The following DNAJB14 variants were observed in gnomAD, a reference collection of about 807,000 sequenced individuals.
DNAJB14 encodes the protein DnaJ heat shock protein family (Hsp40) member B14.
In DNAJB14, 22 loss-of-function variants were observed where a neutral mutation model predicts 48.4. The observed-to-expected ratio is 0.45, with a 90% CI of 0.32 to 0.65. DNAJB14 has a LOEUF of 0.65. Among genes scored for constraint, DNAJB14 ranks in the 30% least tolerant of loss-of-function variants. The pLI is 0.03. For missense variants in DNAJB14, 319 were observed against 458.8 expected (o/e 0.70, Z 2.78); for synonymous variants, 142 against 158.7 (o/e 0.89, Z 0.79).
intron 3 of DNAJB14, among the ~76,000 whole-genome samples, chr4:99,911,663 T>C (rs1462663858): frequency 6.6e-6 from 1 of 152,236 alleles, no homozygotes; most frequent in African/African-American, 2.4e-5. Context: ...AATCTTTCAC[T>C]GTGCTTATTT....
chr4:99,939,140 T>C (rs1360016952), intron 1 of DNAJB14, among the ~76,000 whole-genome samples: 1 of 152,220 alleles, frequency 6.6e-6, no homozygotes, highest in Non-Finnish European at 1.5e-5. Context: ...GGTGGGTAGA[T>C]CACCTAAGGT....
In DNAJB14 at chr4:99,930,457, C is replaced by T. The variant is rs1373243869; in HGVS notation, c.298G>A (p.Val100Ile). Residue 100 changes from valine to isoleucine, a missense_variant, in exon 2 of 8, where the codon GTT becomes ATT. Val to Ile is a conservative substitution (Grantham distance 29, BLOSUM62 3). Coordinates refer to ENST00000442697, the MANE Select transcript of DNAJB14 (RefSeq NM_001031723.4). The part of the protein sequence containing the change: ...KGYTKDQVDG[V>I]LSINKCKNYY... The stretch of plus-strand genomic sequence containing the variant: ...AACCATATTTATTCCTACCTGAGAA[C>T]TCCATCTACTTGGTCTTTGGTATAG... 1 of 1,591,820 alleles carries T rather than the reference C, an allele frequency of 6.3e-7. No homozygotes were observed. Among genetic ancestry groups the T allele is most frequent in the Non-Finnish European group, 8.5e-7 (1 of 1,169,876 alleles).
At chr4:99,905,754 G>A (rs1725441577) in intron 5 of DNAJB14, 48 bp from the exon 6 acceptor site, 1 of 1,549,032 alleles carries the variant, frequency 6.5e-7, no homozygotes, top group Non-Finnish European at 8.9e-7. Flanking sequence ...AACTGTAGTT[G>A]TTAATAATAC....
At chr4:99,908,633 A>G in intron 4 of DNAJB14, 78 bp downstream of exon 4, 2 of 1,082,098 alleles carry the variant, frequency 1.8e-6, no homozygotes, top group Middle Eastern at 2.3e-4. Context: ...AAAGGTAGAT[A>G]CATCTCTAAA....
At chr4:99,946,373 G>A (rs1727076393) in intron 1 of DNAJB14, 66 bp downstream of exon 1, 4 of 1,551,610 alleles carry the variant, frequency 2.6e-6, no homozygotes, top group Non-Finnish European at 3.5e-6. Context: ...GCCGAGGTGG[G>A]GGCAGGGGCG....
At position 99,917,109 on chromosome 4, in the gene DNAJB14, T is replaced by A. The variant is rs181374656; in HGVS notation, c.451+5931A>T. On this transcript the variant is annotated intron_variant, in intron 3 of 7. Transcript: ENST00000442697. Reference sequence around the variant, plus strand: ...GAGATTGCACCACTGCACTCCAGCCTGGGTGACAGAGACTACGTCTCAAAC... The same window carrying A: ...GAGATTGCACCACTGCACTCCAGCCAGGGTGACAGAGACTACGTCTCAAAC... Among the ~76,000 whole-genome samples, 911 of 152,348 alleles carry A rather than the reference T, an allele frequency of 6.0e-3. 5 individuals carry two copies. Among genetic ancestry groups the A allele is most frequent in the Non-Finnish European group, 0.01 (701 of 68,030 alleles).
At chr4:99,925,139 T>C in intron 2 of DNAJB14, 1 of 302,486 alleles carries the variant, frequency 3.3e-6, no homozygotes, top group Non-Finnish European at 6.2e-6. Context: ...AATGGTACAG[T>C]ATTTACATAC....
intron 1 of DNAJB14, among the ~76,000 whole-genome samples, chr4:99,941,902 T>G (rs1317725502): frequency 6.6e-6 from 1 of 152,126 alleles, no homozygotes. Flanking sequence ...CTTCAGTTGG[T>G]GCTATAGAAA....
At position 99,913,192 on chromosome 4, in the gene DNAJB14, C is replaced by T. The variant is rs546168012; in HGVS notation, c.452-4296G>A. Among the ~76,000 whole-genome samples the T allele has an allele frequency of 1.9e-3, 285 of 152,194 alleles. 1 individual carries two copies. The highest frequency in any genetic ancestry group is 6.4e-3 in the African/African-American group (267 of 41,534). ...TTTTATTTCCTTTTTCTCTCTTTAA[C>T]GCAGTGATTACTACTTCCTGCACTT... On this transcript the variant is annotated intron_variant, in intron 3 of 7. Transcript: ENST00000442697.
intron 3 of DNAJB14, among the ~76,000 whole-genome samples, chr4:99,918,023 G>A (rs1725917259): frequency 6.6e-6 from 1 of 152,014 alleles, no homozygotes. Context: ...TGCCAAATTT[G>A]GGAAGTTTTC....
intron 7 of DNAJB14, among the ~76,000 whole-genome samples, chr4:99,901,770 G>A (rs1055708338): frequency 2.0e-5 from 3 of 151,978 alleles, no homozygotes; most frequent in African/African-American, 7.2e-5. Flanking sequence ...AATTCTTCAA[G>A]GAGTATTTCT....
chr4:99,944,935 A>G (rs1229388978), intron 1 of DNAJB14, among the ~76,000 whole-genome samples: 1 of 152,208 alleles, frequency 6.6e-6, no homozygotes, highest in Non-Finnish European at 1.5e-5. Context: ...AAACTTGGGA[A>G]CATTATGCTA....
chr4:99,903,379 T>TC (rs1717916762), intron 7 of DNAJB14, among the ~76,000 whole-genome samples: 1 of 152,056 alleles, frequency 6.6e-6, no homozygotes. Context: ...GTATGCATCT[T>TC]AAAATTGATG....
intron 3 of DNAJB14, among the ~76,000 whole-genome samples, chr4:99,922,113 C>A (rs576154972): frequency 6.6e-6 from 1 of 152,172 alleles, no homozygotes; most frequent in Non-Finnish European, 1.5e-5. Flanking sequence ...TTCACCAGCA[C>A]CACTTTGGCA....
Position 99,899,465 on chromosome 4 carries a change from T to C in DNAJB14, c.*1563A>G, listed in dbSNP as rs1408927131. On this transcript the variant is annotated 3_prime_UTR_variant, in exon 8 of 8. Transcript: ENST00000442697. ...AAGCTCTCCAGTTTTCCTATGACAGTATGTTGTTTAGTTTAACCTACTAAT... is the reference window on the plus strand; with the variant it reads ...AAGCTCTCCAGTTTTCCTATGACAGCATGTTGTTTAGTTTAACCTACTAAT... 6.6e-6 allele frequency: 1 copy of C among 152,034 alleles called. No individual in the cohort carries two copies. The highest frequency in any genetic ancestry group is 1.5e-5 in the Non-Finnish European group (1 of 67,698). The allele number at this position is 152,034 out of a possible 1,614,324, so 9.4% of individuals were successfully genotyped here.
intron 2 of DNAJB14, chr4:99,925,819 C>G (rs1201511555): frequency 6.6e-6 from 1 of 152,044 alleles, no homozygotes; most frequent in Non-Finnish European, 1.5e-5. Flanking sequence ...GAAGGGCAGG[C>G]CTTCTATTTC....
chr4:99,938,327 G>A (rs1050057455), intron 1 of DNAJB14, among the ~76,000 whole-genome samples: 1 of 145,022 alleles, frequency 6.9e-6, no homozygotes, highest in Non-Finnish European at 1.5e-5. Context: ...ACATAAATGC[G>A]ACATGTGGAC....
chr4:99,923,006 G>A (rs2110208567), intron 3 of DNAJB14, 34 bp downstream of exon 3: 1 of 1,569,734 alleles, frequency 6.4e-7, no homozygotes, highest in Non-Finnish European at 8.6e-7. Flanking sequence ...TCTAAAGACA[G>A]CTTAGTAAAA....
intron 1 of DNAJB14, among the ~76,000 whole-genome samples, chr4:99,940,661 TC>T (rs1172212650): frequency 7.0e-6 from 1 of 143,682 alleles, no homozygotes; most frequent in Admixed American, 6.9e-5. Flanking sequence ...CTCCCCCAAA[TC>T]CCCCCCAAAA....
Sources: gnomAD v4.1 joint callset for allele counts (sites outside exome capture counted in the v4.1 genomes callset) on GRCh38, gnomAD v4.1.1 for gene constraint, MANE v1.5 for transcripts, NCBI Gene and HGNC (gene_info 2026-07-23, HGNC 2026-07-21) for gene names.